The following CDKN2B-AS1 variants were observed in gnomAD, a reference collection of about 807,000 sequenced individuals.
The protein encoded by CDKN2B-AS1 is CDKN2B antisense RNA 1 (non-protein coding).
rs1226926689 is a variant in CDKN2B-AS1 at position 22,115,357 on chromosome 9, G to A, written n.439-11746G>A. ...AGGGTACTAACACTTATGCCAGGAC[G>A]CATGCATAAACTAGGATGGTTCTGA... is the stretch of plus-strand genomic sequence containing the variant. On this transcript the variant is annotated intron_variant and non_coding_transcript_variant, in intron 4 of 4. Coordinates refer to ENST00000650946, the Ensembl canonical transcript of CDKN2B-AS1. 4.6e-5 allele frequency among the ~76,000 whole-genome samples: 7 copies of A among 152,086 alleles called. No individual in the cohort carries two copies. In the South Asian group the frequency reaches 1.0e-3, roughly 23 times the overall value.
At chr9:22,054,923 T>G (rs1298439913) in intron 3 of CDKN2B-AS1, among the ~76,000 whole-genome samples, 2 of 151,826 alleles carry the variant, frequency 1.3e-5, no homozygotes, top group Admixed American at 6.6e-5. Context: ...GGCTCACTTT[T>G]GTATTTTTAG....
chr9:22,021,633 T>A (rs1011239990), intron 1 of CDKN2B-AS1, among the ~76,000 whole-genome samples: 10 of 151,578 alleles, frequency 6.6e-5, no homozygotes, highest in African/African-American at 2.2e-4. Context: ...CTTGTAGAGA[T>A]TTTTTTTTGT....
intron 4 of CDKN2B-AS1, among the ~76,000 whole-genome samples, chr9:22,095,969 C>T (rs1462018715): frequency 1.3e-5 from 2 of 151,908 alleles, no homozygotes; most frequent in Admixed American, 6.6e-5. Context: ...TTATTTTGAG[C>T]CTATGTGTGT....
At chr9:22,084,128 A>AT (rs368432083) in intron 4 of CDKN2B-AS1, among the ~76,000 whole-genome samples, 3,591 of 152,188 alleles carry the variant, frequency 0.024, 130 homozygotes, top group African/African-American at 0.082. Flanking sequence ...AGTAAAATTT[A>AT]TTTTTCCTGT....
rs549497392 is a variant in CDKN2B-AS1 at position 22,076,028 on chromosome 9, T to C, written n.438+19641T>C. Among the ~76,000 whole-genome samples, 80 of 152,250 alleles carry C rather than the reference T, an allele frequency of 5.3e-4. 1 individual carries two copies. Among genetic ancestry groups the C allele is most frequent in the Middle Eastern group, 3.4e-3 (1 of 294 alleles). ...TATGATTGATAGGAAAGTCAAGTAC[T>C]GGCATCCTCAGATTGGAGAGGTTTT... On this transcript the variant is annotated intron_variant and non_coding_transcript_variant, in intron 4 of 4. Coordinates refer to ENST00000650946, the Ensembl canonical transcript of CDKN2B-AS1.
chr9:22,098,980 A>G (rs1387025237), intron 4 of CDKN2B-AS1, among the ~76,000 whole-genome samples: 1 of 152,244 alleles, frequency 6.6e-6, no homozygotes, highest in Non-Finnish European at 1.5e-5. Context: ...TCAAGGAAAC[A>G]AAGAAGCCTA....
chr9:22,022,473 C>T (rs1563927854), intron 1 of CDKN2B-AS1, among the ~76,000 whole-genome samples: 1 of 151,936 alleles, frequency 6.6e-6, no homozygotes, highest in East Asian at 1.9e-4. Context: ...AGGATTGGAA[C>T]CCTGCTTTTT....
chr9:22,084,251 T>A (rs1381181104), intron 4 of CDKN2B-AS1, among the ~76,000 whole-genome samples: 4 of 152,210 alleles, frequency 2.6e-5, no homozygotes, highest in Non-Finnish European at 5.9e-5. Flanking sequence ...CTTAGAGCTT[T>A]AGGGCTATTT....
intron 4 of CDKN2B-AS1, among the ~76,000 whole-genome samples, chr9:22,100,118 A>G (rs1825432755): frequency 6.6e-6 from 1 of 152,162 alleles, no homozygotes; most frequent in Admixed American, 6.5e-5. Context: ...ACTATATTTT[A>G]TTCTTTTAAT....
At chr9:22,122,745 A>C (rs570432518) in intron 4 of CDKN2B-AS1, among the ~76,000 whole-genome samples, 4 of 152,072 alleles carry the variant, frequency 2.6e-5, no homozygotes, top group Admixed American at 2.6e-4. Flanking sequence ...ATTCTGTTCT[A>C]TTGATCTATG....
chr9:22,057,286 C>T (rs1823610363), intron 4 of CDKN2B-AS1, among the ~76,000 whole-genome samples: 1 of 152,094 alleles, frequency 6.6e-6, no homozygotes, highest in Non-Finnish European at 1.5e-5. Flanking sequence ...TTCACATTCT[C>T]TTGGCTTACA....
chr9:22,023,530 T>A (rs1014865941), intron 1 of CDKN2B-AS1, among the ~76,000 whole-genome samples: 2 of 151,956 alleles, frequency 1.3e-5, no homozygotes, highest in African/African-American at 2.4e-5. Flanking sequence ...GGTCAGGAGT[T>A]TGAGACCAGC....
chr9:22,046,029 G>C (rs1823094740), intron 1 of CDKN2B-AS1, among the ~76,000 whole-genome samples: 1 of 151,904 alleles, frequency 6.6e-6, no homozygotes, highest in Non-Finnish European at 1.5e-5. Context: ...AGAAAATTTG[G>C]GACAACCTGA....
intron 1 of CDKN2B-AS1, among the ~76,000 whole-genome samples, chr9:22,019,807 A>G (rs1052603430): frequency 6.6e-6 from 1 of 152,226 alleles, no homozygotes; most frequent in African/African-American, 2.4e-5. Flanking sequence ...ACTTTCCTTC[A>G]GAAAAAGAAT....
chr9:22,099,556 C>A (rs1825409134), intron 4 of CDKN2B-AS1, among the ~76,000 whole-genome samples: 1 of 152,088 alleles, frequency 6.6e-6, no homozygotes, highest in Non-Finnish European at 1.5e-5. Context: ...CAATCAATGG[C>A]ATGTTATAAT....
intron 3 of CDKN2B-AS1, among the ~76,000 whole-genome samples, chr9:22,054,386 A>G (rs966333683): frequency 4.6e-5 from 7 of 152,226 alleles, no homozygotes; most frequent in Admixed American, 6.5e-5. Flanking sequence ...AAATCAGACT[A>G]TAAATAATCA....
intron 4 of CDKN2B-AS1, among the ~76,000 whole-genome samples, chr9:22,085,190 G>C (rs535130655): frequency 6.6e-6 from 1 of 152,234 alleles, no homozygotes; most frequent in South Asian, 2.1e-4. Flanking sequence ...TTATGATCAA[G>C]GAGAAAAAAG....
At chr9:22,043,591 A>C (rs888843720) in intron 1 of CDKN2B-AS1, among the ~76,000 whole-genome samples, 1 of 151,888 alleles carries the variant, frequency 6.6e-6, no homozygotes, top group African/African-American at 2.4e-5. Context: ...CCCACTCCTT[A>C]GGTTGTGAAA....
At chr9:22,019,320 A>G (rs1196852480) in intron 1 of CDKN2B-AS1, among the ~76,000 whole-genome samples, 1 of 152,244 alleles carries the variant, frequency 6.6e-6, no homozygotes, top group Non-Finnish European at 1.5e-5. Context: ...GGGAGAGGCA[A>G]GAGTGGATTC....
Sources: gnomAD v4.1 joint callset for allele counts (sites outside exome capture counted in the v4.1 genomes callset) on GRCh38, gnomAD v4.1.1 for gene constraint, MANE v1.5 for transcripts, NCBI Gene and HGNC (gene_info 2026-07-23, HGNC 2026-07-21) for gene names.